TPRA1: variants seen among roughly 807,000 people sequenced by gnomAD.
TPRA1 encodes the protein transmembrane protein adipocyte-associated 1.
In TPRA1, 28 loss-of-function variants were observed where a neutral mutation model predicts 40.1. The observed-to-expected ratio is 0.70, with a 90% confidence interval of 0.52 to 0.96. The LOEUF is 0.96. Ranked by LOEUF, TPRA1 falls within the 40% of genes least tolerant of loss-of-function variation. TPRA1 has a pLI of 0.00. For synonymous variants in TPRA1, 219 were observed against 209.7 expected (o/e 1.04, Z -0.38); for missense variants, 441 against 482.6 (o/e 0.91, Z 0.81).
intron 3 of TPRA1, among the ~76,000 whole-genome samples, chr3:127,578,971 G>T (rs1341328952): frequency 6.6e-6 from 1 of 151,752 alleles, no homozygotes; most frequent in African/African-American, 2.4e-5. Context: ...AGCCCGCACC[G>T]GAAGCCTACA....
chr3:127,580,449 G>A, intron 1 of TPRA1: 1 of 357,682 alleles, frequency 2.8e-6, no homozygotes, highest in Non-Finnish European at 5.3e-6. Context: ...CAGCCACTTG[G>A]CTCCTTTCAG....
At chr3:127,584,447 T>TAAAAAAAAAAAAA (rs1163065087) in intron 1 of TPRA1, among the ~76,000 whole-genome samples, 2 of 20,862 alleles carry the variant, frequency 9.6e-5, no homozygotes, top group African/African-American at 4.3e-4. Flanking sequence ...AGACCCTGTC[T>TAAAAAAAAAAAAA]AAAAAAAAAA....
chr3:127,592,367 G>GTTTTTTTT (rs746017013), upstream of TPRA1, among the ~76,000 whole-genome samples: 1 of 88,510 alleles, frequency 1.1e-5, no homozygotes, highest in Non-Finnish European at 2.2e-5. Flanking sequence ...GCAACATGCT[G>GTTTTTTTT]TTTTTTTTTT....
chr3:127,584,746 G>C (rs894746868), intron 1 of TPRA1, among the ~76,000 whole-genome samples: 9 of 152,152 alleles, frequency 5.9e-5, no homozygotes, highest in Admixed American at 4.6e-4. Flanking sequence ...CCTGTCATTT[G>C]ATCTAATCCC....
At position 127,573,464 on chromosome 3, in the gene TPRA1, C is replaced by A; in HGVS notation, c.*57G>T. 1 of 1,557,114 alleles carries A rather than the reference C, an allele frequency of 6.4e-7. No homozygotes were observed. Among genetic ancestry groups the A allele is most frequent in the Non-Finnish European group, 8.7e-7 (1 of 1,151,976 alleles). On this transcript the variant is annotated 3_prime_UTR_variant, in exon 11 of 11. Coordinates refer to ENST00000355552, the MANE Select transcript of TPRA1 (RefSeq NM_001136053.4). ...TGACCTGGTCCTCCTCCCCTGGGGACTCTGGGCCTGCTGGCCTCCTCTCTG... is the reference window on the plus strand; with the variant it reads ...TGACCTGGTCCTCCTCCCCTGGGGAATCTGGGCCTGCTGGCCTCCTCTCTG...
upstream of TPRA1, among the ~76,000 whole-genome samples, chr3:127,594,097 G>T (rs747532297): frequency 2.0e-5 from 3 of 152,226 alleles, no homozygotes; most frequent in African/African-American, 7.2e-5. Context: ...GTGCTCCAGC[G>T]GGCAGAAGAT....
chr3:127,575,823 C>G lies in TPRA1; in HGVS notation c.610-14G>C, dbSNP rs780934717. 17 of 1,613,692 alleles carry G rather than the reference C, an allele frequency of 1.1e-5. No homozygotes were observed. Among genetic ancestry groups the G allele is most frequent in the African/African-American group, 2.7e-5 (2 of 74,936 alleles). On this transcript the variant is annotated splice_polypyrimidine_tract_variant and intron_variant, in intron 7 of 10. Transcript: ENST00000355552. ...CAGAGAGTAGACCTACAGAGACAGG[C>G]AGGGCTGAGAAGGTGCTGGGGGCGC...
In TPRA1 at chr3:127,572,047, C is replaced by T. The variant is rs553268874; in HGVS notation, c.*1474G>A. Among the ~76,000 whole-genome samples the T allele has an allele frequency of 1.3e-5, 2 of 152,214 alleles. No homozygotes were observed. Among genetic ancestry groups the T allele is most frequent in the African/African-American group, 4.8e-5 (2 of 41,532 alleles). ...GGCTTTTACATGAGCTGAGAGGCCC[C>T]GATAAAGTATGCCATTCAGGGGCAC... On this transcript the variant is annotated 3_prime_UTR_variant, in exon 11 of 11. Coordinates refer to ENST00000355552, the MANE Select transcript of TPRA1 (RefSeq NM_001136053.4).
At chr3:127,575,589 G>T in intron 8 of TPRA1, 84 bp from the exon 9 acceptor site, 1 of 1,468,882 alleles carries the variant, frequency 6.8e-7, no homozygotes, top group Non-Finnish European at 9.2e-7. Flanking sequence ...CTCAAGCCTG[G>T]TGTGTCCCCC....
Position 127,576,714 on chromosome 3 carries a change from G to A in TPRA1, c.419-18C>T. The A allele has an allele frequency of 6.2e-7, 1 of 1,609,470 alleles. No individual in the cohort carries two copies. The highest frequency in any genetic ancestry group is 8.5e-7 in the Non-Finnish European group (1 of 1,177,914). On this transcript the variant is annotated intron_variant, in intron 5 of 10. Transcript: ENST00000355552. This position sits in a 1 kb window ranked among gnomAD's most constrained non-coding sequence, Gnocchi z 4.6. ...CAGGTGGCCTGGAAGAAACATGCTG[G>A]TCAGCAGGCAGGAGCCAGCCCAGGT...
At chr3:127,597,687 C>T (rs1251191879) in intron 1 of TPRA1, among the ~76,000 whole-genome samples, 2 of 152,194 alleles carry the variant, frequency 1.3e-5, no homozygotes, top group Non-Finnish European at 2.9e-5. Flanking sequence ...ATGTGACCTC[C>T]TACAAAATCC....
chr3:127,575,212 T>C lies in TPRA1; in HGVS notation c.827A>G (p.Tyr276Cys), dbSNP rs1196502291. The C allele has an allele frequency of 1.2e-6, 2 of 1,614,030 alleles. No individual in the cohort carries two copies. Among genetic ancestry groups the C allele is most frequent in the Admixed American group, 1.7e-5 (1 of 60,020 alleles). Residue 276 changes from tyrosine (Y) to cysteine (C), a missense_variant, in exon 10 of 11, where the codon TAC (tyrosine) becomes TGC (cysteine). By Grantham distance (194) the Tyr-to-Cys change is radical. Coordinates refer to ENST00000355552, the MANE Select transcript of TPRA1 (RefSeq NM_001136053.4). ...GAAGAAGCCCCGGAGGAAAGCCACGTAGATGAGCGGAGCGAAGAAGCTGAA... is the reference window on the plus strand; with the variant it reads ...GAAGAAGCCCCGGAGGAAAGCCACGCAGATGAGCGGAGCGAAGAAGCTGAA... ...LYFSFFAPLI[Y>C]VAFLRGFFGS...
At position 127,576,796 on chromosome 3, in the gene TPRA1, C is replaced by T. The variant is rs773249875; in HGVS notation, c.418+25G>A. 1 of 1,613,770 alleles carries T rather than the reference C, an allele frequency of 6.2e-7. No homozygotes were observed. The highest frequency in any genetic ancestry group is 1.7e-5 in the Admixed American group (1 of 59,984). On this transcript the variant is annotated intron_variant, in intron 5 of 10. Coordinates refer to ENST00000355552, the MANE Select transcript of TPRA1 (RefSeq NM_001136053.4). This position sits in a 1 kb window ranked among gnomAD's most constrained non-coding sequence, Gnocchi z 4.6. ...GGGGCAGGGGAGAGCATCGCCAGGG[C>T]CCAAGAGCCCAGCGGTACACACACC... is the stretch of plus-strand genomic sequence containing the variant.
At position 127,576,153 on chromosome 3, in the gene TPRA1, A is replaced by G. The variant is rs1247526508; in HGVS notation, c.499-103T>C. ...GCCCCCTAAGCTCTCCACCACACCA[A>G]GTTCAGCCTCTTGGCCTGACCCTCA... On this transcript the variant is annotated intron_variant, in intron 6 of 10. Coordinates refer to ENST00000355552, the MANE Select transcript of TPRA1 (RefSeq NM_001136053.4). The surrounding 1 kb of genome is among the most constrained non-coding windows in gnomAD (Gnocchi z 4.6). 1.8e-5 allele frequency: 16 copies of G among 901,404 alleles called. No individual in the cohort carries two copies. The allele number at this position is 901,404 out of a possible 1,614,324, so 55.8% of individuals were successfully genotyped here.
At chr3:127,584,312 A>G (rs1202252545) in intron 1 of TPRA1, among the ~76,000 whole-genome samples, 1 of 150,534 alleles carries the variant, frequency 6.6e-6, no homozygotes, top group Non-Finnish European at 1.5e-5. Flanking sequence ...ATGGTGGTGC[A>G]TACCTGTAGT....
At chr3:127,574,333 G>A (rs78706495) in intron 10 of TPRA1, among the ~76,000 whole-genome samples, 2,073 of 152,332 alleles carry the variant, frequency 0.014, 38 homozygotes, top group African/African-American at 0.043. Flanking sequence ...TCACCCAGGT[G>A]GGAGGCTGAT....
rs755126972 is a variant in TPRA1 at position 127,575,514 on chromosome 3, C to T, written c.671-9G>A. ...GTAGAAGCTCCTCCGAGCTGGGGGC[C>T]GGACAGGGTGGGTCGTGAGGTCCCA... is the stretch of plus-strand genomic sequence containing the variant. On this transcript the variant is annotated splice_polypyrimidine_tract_variant and intron_variant, in intron 8 of 10. Coordinates refer to ENST00000355552, the MANE Select transcript of TPRA1 (RefSeq NM_001136053.4). 20 of 1,548,454 alleles carry T rather than the reference C, an allele frequency of 1.3e-5. No homozygotes were observed. The highest frequency in any genetic ancestry group is 2.4e-5 in the South Asian group (2 of 82,472).
At chr3:127,596,842 C>G (rs762816182) in intron 1 of TPRA1, among the ~76,000 whole-genome samples, 3 of 152,190 alleles carry the variant, frequency 2.0e-5, no homozygotes, top group African/African-American at 4.8e-5. Context: ...CCTGGCCGGG[C>G]GTGGTGGCTC....
Position 127,573,193 on chromosome 3 carries a change from AG to A in TPRA1, c.*327del, listed in dbSNP as rs2073429229. 3.8e-6 allele frequency: 1 copy of A among 262,296 alleles called. No individual in the cohort carries two copies. The highest frequency in any genetic ancestry group is 2.2e-5 in the African/African-American group (1 of 46,074). The allele number at this position is 262,296 out of a possible 1,614,324, so 16.2% of individuals were successfully genotyped here. On this transcript the variant is annotated 3_prime_UTR_variant, in exon 11 of 11. Transcript: ENST00000355552. ...GGGGATGGGATGGAGGCATTGGGAG[AG>A]CCAGCCCTGCCCTCGTGCCAAGGGT...
Sources: allele counts gnomAD v4.1 joint callset (sites outside exome capture counted in the v4.1 genomes callset), GRCh38; gene constraint gnomAD v4.1.1; non-coding constraint Gnocchi (gnomAD v3.1); transcripts MANE v1.5; gene names NCBI Gene and HGNC (gene_info 2026-07-23, HGNC 2026-07-21).